The following FRMPD1 variants were observed in gnomAD, a reference collection of about 807,000 sequenced individuals.
The protein encoded by FRMPD1 is FERM and PDZ domain containing 1.
Under a neutral mutation model 117.8 loss-of-function variants are expected in FRMPD1, and 76 were observed. The ratio of observed to expected loss-of-function variants is 0.65; its 90% CI spans 0.54 to 0.78. FRMPD1 has a LOEUF of 0.78. Ranked by LOEUF, FRMPD1 falls within the 30% of genes least tolerant of loss-of-function variation. The pLI is 0.00. For missense variants in FRMPD1, 1,786 were observed against 1,964.5 expected (o/e 0.91, Z 1.72); for synonymous variants, 783 against 770.4 (o/e 1.02, Z -0.27).
intron 9 of FRMPD1, among the ~76,000 whole-genome samples, 167 bp downstream of exon 9, chr9:37,731,270 T>C (rs972093796): frequency 1.8e-4 from 27 of 152,248 alleles, no homozygotes; most frequent in Admixed American, 1.8e-3. Flanking sequence ...TTTCCATCAC[T>C]GAGTTGCTGT....
At position 37,708,291 on chromosome 9, in the gene FRMPD1, C is replaced by T. The variant is rs547427564; in HGVS notation, c.260-108C>T. On this transcript the variant is annotated intron_variant, in intron 3 of 15. Coordinates refer to ENST00000377765, the MANE Select transcript of FRMPD1 (RefSeq NM_014907.3). ...CCTGACTGAAGGCGGGGGAGTGAGC[C>T]AGTGCCCCTGGGAACTGGATCAGGG... 3.4e-5 allele frequency: 23 copies of T among 683,026 alleles called. No homozygotes were observed. In the South Asian group the frequency reaches 3.9e-4, roughly 12 times the overall value. The allele number at this position is 683,026 out of a possible 1,614,324, so 42.3% of individuals were successfully genotyped here. A position where few individuals can be genotyped will look rare whatever the true frequency, so the allele number is the denominator to read the frequency against.
upstream of FRMPD1, chr9:37,650,898 A>G (rs1820649135): frequency 6.7e-6 from 1 of 148,350 alleles, no homozygotes; most frequent in African/African-American, 2.4e-5. Context: ...CCGCCGCCAG[A>G]CGGCGCGGGC....
chr9:37,723,157 G>C (rs954715042), intron 6 of FRMPD1, among the ~76,000 whole-genome samples: 11 of 152,030 alleles, frequency 7.2e-5, no homozygotes, highest in African/African-American at 2.7e-4. Context: ...GGTAGGAGAG[G>C]CTTCCCTACC....
Position 37,692,673 on chromosome 9 carries a change from C to T in FRMPD1, c.32C>T (p.Thr11Ile). 1 of 1,613,736 alleles carries T rather than the reference C, an allele frequency of 6.2e-7. No homozygotes were observed. Among genetic ancestry groups the T allele is most frequent in the Non-Finnish European group, 8.5e-7 (1 of 1,179,640 alleles). ...GAGCTGGAGACCAGTTTATTCCAGA[C>T]ACGGAAAGCACATAGAATAGAACAA... MEELETSLFQ[T>I]RKAHRIEQMV... Residue 11 changes from threonine to isoleucine, a missense_variant, in exon 2 of 16, where the codon ACA (threonine) becomes ATA (isoleucine). Transcript: ENST00000377765.
intron 1 of FRMPD1, among the ~76,000 whole-genome samples, chr9:37,690,674 A>G (rs1822099935): frequency 6.6e-6 from 1 of 152,188 alleles, no homozygotes; most frequent in Admixed American, 6.6e-5. Context: ...AGTCCTCCAG[A>G]GAAGGATTCT....
chr9:37,665,244 T>C (rs1420219594), intron 1 of FRMPD1, among the ~76,000 whole-genome samples: 2 of 152,236 alleles, frequency 1.3e-5, no homozygotes, highest in African/African-American at 2.4e-5. Context: ...TAGCAACTTA[T>C]AGCTTTTAGT....
the FRMPD1 span, among the ~76,000 whole-genome samples, chr9:37,622,846 G>T: frequency 6.6e-6 from 1 of 152,042 alleles, no homozygotes; most frequent in South Asian, 2.1e-4. Context: ...TTTCAAAGCT[G>T]CACGCAGCCA....
chr9:37,665,071 T>C (rs1821120962), intron 1 of FRMPD1, among the ~76,000 whole-genome samples: 1 of 152,196 alleles, frequency 6.6e-6, no homozygotes, highest in Non-Finnish European at 1.5e-5. Flanking sequence ...GCTTTAAAAA[T>C]GGCACTCTTA....
chr9:37,729,400 A>G (rs1823761643), intron 7 of FRMPD1, among the ~76,000 whole-genome samples: 1 of 150,994 alleles, frequency 6.6e-6, no homozygotes, highest in African/African-American at 2.4e-5. Flanking sequence ...AAAAAAAAAA[A>G]AAAAAAAAAG....
At chr9:37,710,826 C>G (rs886959722) in intron 4 of FRMPD1, among the ~76,000 whole-genome samples, 7 of 151,682 alleles carry the variant, frequency 4.6e-5, no homozygotes, top group Admixed American at 2.0e-4. Context: ...GGTGTGGTGG[C>G]GGGTGCCTGT....
chr9:37,639,417 T>A, the FRMPD1 span, among the ~76,000 whole-genome samples: 1 of 152,160 alleles, frequency 6.6e-6, no homozygotes, highest in African/African-American at 2.4e-5. Context: ...ACCCTGTGAA[T>A]TTGCTGTGGC....
chr9:37,637,089 G>T, the FRMPD1 span: 5 of 1,574,020 alleles, frequency 3.2e-6, no homozygotes, highest in African/African-American at 5.4e-5. Flanking sequence ...GTCCAGAACC[G>T]TTCCTGGCCC....
At chr9:37,710,676 A>T (rs10733489) in intron 4 of FRMPD1, among the ~76,000 whole-genome samples, 105,341 of 151,984 alleles carry the variant, frequency 0.69, 36,741 homozygotes, top group East Asian at 0.94. Context: ...CTCCTAAAAA[A>T]TTTTTTTGGG....
At chr9:37,650,756 TG>T (rs1820642338), upstream of FRMPD1, among the ~76,000 whole-genome samples, 1 of 151,620 alleles carries the variant, frequency 6.6e-6, no homozygotes, top group South Asian at 2.1e-4. Context: ...AGGGCCCGGG[TG>T]GGAGCGGGAC....
chr9:37,700,046 AC>A (rs1159942594), intron 2 of FRMPD1, among the ~76,000 whole-genome samples: 1 of 152,170 alleles, frequency 6.6e-6, no homozygotes, highest in African/African-American at 2.4e-5. Flanking sequence ...TTTTGTTAAA[AC>A]CTTTCTAATT....
At chr9:37,709,696 G>A (rs974360144) in intron 4 of FRMPD1, among the ~76,000 whole-genome samples, 7 of 152,188 alleles carry the variant, frequency 4.6e-5, no homozygotes, top group Admixed American at 4.6e-4. Flanking sequence ...TTTAATGCTG[G>A]GTAAAATTTG....
chr9:37,612,860 C>T, the FRMPD1 span, among the ~76,000 whole-genome samples: 3 of 152,102 alleles, frequency 2.0e-5, no homozygotes, highest in African/African-American at 4.8e-5. Context: ...ACTACGAGAA[C>T]CTGGTCACTG....
chr9:37,677,360 A>T (rs1821566367), intron 1 of FRMPD1, among the ~76,000 whole-genome samples: 1 of 152,234 alleles, frequency 6.6e-6, no homozygotes, highest in Non-Finnish European at 1.5e-5. Context: ...TGTGGAGTCA[A>T]ATCTCAGCCC....
In FRMPD1 at chr9:37,737,217, A is replaced by G. The variant is rs775593221; in HGVS notation, c.1523A>G (p.Gln508Arg). 6.2e-7 allele frequency: 1 copy of G among 1,614,106 alleles called. No individual in the cohort carries two copies. Among genetic ancestry groups the G allele is most frequent in the East Asian group, 2.2e-5 (1 of 44,864 alleles). ...TTCCTCTGGCCTGGAAACAAACAAC[A>G]AGCGCACCGGGTATCTGCAGAAGAA... is the stretch of plus-strand genomic sequence containing the variant. ...SIFLWPGNKQQAHRVSAEEGY... is the reference protein window; with the variant it reads ...SIFLWPGNKQRAHRVSAEEGY... The change falls in exon 14 of 16, where the codon CAA becomes CGA. Residue 508 changes from glutamine (Q) to arginine (R), a missense_variant. By Grantham distance (43) the Gln-to-Arg change is conservative (BLOSUM62 1). Transcript: ENST00000377765.
Sources: allele counts gnomAD v4.1 joint callset (sites outside exome capture counted in the v4.1 genomes callset), GRCh38; gene constraint gnomAD v4.1.1; transcripts MANE v1.5; gene names NCBI Gene and HGNC (gene_info 2026-07-23, HGNC 2026-07-21).